SDK1: variants seen among roughly 807,000 people sequenced by gnomAD.
SDK1 encodes sidekick cell adhesion molecule 1.
SDK1 carries 157 observed loss-of-function variants against 245.5 expected under a neutral mutation model. The ratio of observed to expected loss-of-function variants is 0.64; its 90% CI spans 0.56 to 0.73. The LOEUF (loss-of-function observed/expected upper bound fraction) is 0.73, where lower values mean the gene tolerates loss of function less well. SDK1 is among the 30% of genes least tolerant of loss of function. The pLI, the probability that SDK1 is intolerant of heterozygous loss-of-function variation, is 0.00. For synonymous variants in SDK1, 1,647 were observed against 1,278.5 expected (o/e 1.29, Z -6.15); for missense variants, 3,583 against 3,002.3 (o/e 1.19, Z -4.52).
intron 4 of SDK1, among the ~76,000 whole-genome samples, chr7:3,744,801 G>C (rs1333418267): frequency 6.6e-6 from 1 of 151,312 alleles, no homozygotes; most frequent in Non-Finnish European, 1.5e-5. Flanking sequence ...GACAGAGTGA[G>C]ACTCCATCTC....
chr7:3,830,892 A>G (rs1268304739), intron 5 of SDK1, among the ~76,000 whole-genome samples: 4 of 152,204 alleles, frequency 2.6e-5, no homozygotes, highest in Non-Finnish European at 5.9e-5. Flanking sequence ...AGATAATTTC[A>G]TTGTGGAATC....
chr7:4,231,954 G>T (rs1194441775), intron 40 of SDK1, among the ~76,000 whole-genome samples: 2 of 150,758 alleles, frequency 1.3e-5, no homozygotes, highest in African/African-American at 4.9e-5. Flanking sequence ...TCCCTGCTTT[G>T]TAAAAGATCT....
chr7:3,982,846 A>C (rs1783520972), intron 13 of SDK1, among the ~76,000 whole-genome samples: 1 of 152,208 alleles, frequency 6.6e-6, no homozygotes, highest in Non-Finnish European at 1.5e-5. Flanking sequence ...TCTCAAAAAA[A>C]AAAAAAAGAA....
At chr7:4,202,124 C>A (rs2128226042) in intron 35 of SDK1, among the ~76,000 whole-genome samples, 1 of 152,286 alleles carries the variant, frequency 6.6e-6, no homozygotes. Context: ...GCTGGACATG[C>A]TCTCTGGGCC....
intron 4 of SDK1, among the ~76,000 whole-genome samples, chr7:3,791,092 T>G (rs1781067637): frequency 6.6e-6 from 1 of 152,014 alleles, no homozygotes; most frequent in African/African-American, 2.4e-5. Context: ...CAAAAATTAT[T>G]TAATACTCTT....
intron 4 of SDK1, among the ~76,000 whole-genome samples, chr7:3,651,717 A>T (rs189935843): frequency 6.6e-6 from 1 of 152,224 alleles, no homozygotes; most frequent in African/African-American, 2.4e-5. Flanking sequence ...CCAAATCTAT[A>T]CATATTATGG....
At chr7:3,896,838 T>C (rs944290013) in intron 5 of SDK1, among the ~76,000 whole-genome samples, 3 of 152,190 alleles carry the variant, frequency 2.0e-5, no homozygotes, top group Non-Finnish European at 2.9e-5. Flanking sequence ...AAAATATACA[T>C]GTATTAGTTT....
chr7:3,972,320 C>T (rs1648533153), intron 12 of SDK1, among the ~76,000 whole-genome samples: 1 of 152,092 alleles, frequency 6.6e-6, no homozygotes, highest in Non-Finnish European at 1.5e-5. Context: ...ACCTCGTGAT[C>T]CACCTGTCTC....
At chr7:3,943,934 A>G (rs567584200) in intron 5 of SDK1, among the ~76,000 whole-genome samples, 35 of 152,258 alleles carry the variant, frequency 2.3e-4, no homozygotes, top group Admixed American at 7.8e-4. Flanking sequence ...CTCTGAAGCT[A>G]CCTGGCGCCC....
rs188286352 is a variant in SDK1, at chr7:3,630,825, T to G, written c.459-8179T>G. 2.4e-3 allele frequency among the ~76,000 whole-genome samples: 372 copies of G among 152,288 alleles called. 3 individuals are homozygous for G. The highest frequency in any genetic ancestry group is 0.018 in the South Asian group (85 of 4,814). On this transcript the variant is annotated intron_variant, in intron 2 of 44. Transcript: ENST00000404826. ...GGCTTAGTATTATTAACAGATCCAT[T>G]TTTTCCAAACTTATCCCTTGGTGAT... is the stretch of plus-strand genomic sequence containing the variant.
At chr7:3,744,386 A>G (rs1403376992) in intron 4 of SDK1, among the ~76,000 whole-genome samples, 1 of 152,196 alleles carries the variant, frequency 6.6e-6, no homozygotes, top group Non-Finnish European at 1.5e-5. Flanking sequence ...TATAAGCATC[A>G]TTTTGGGCAC....
chr7:4,096,067 G>A (rs1006622677), intron 22 of SDK1, among the ~76,000 whole-genome samples: 1 of 152,218 alleles, frequency 6.6e-6, no homozygotes, highest in Non-Finnish European at 1.5e-5. Flanking sequence ...AAATGTAGCT[G>A]TAAAGCGTCC....
intron 22 of SDK1, among the ~76,000 whole-genome samples, chr7:4,097,528 T>C (rs1053808291): frequency 3.3e-5 from 5 of 152,178 alleles, no homozygotes; most frequent in Non-Finnish European, 5.9e-5. Context: ...CAGACAGATA[T>C]ATTGGGCCGC....
intron 17 of SDK1, among the ~76,000 whole-genome samples, chr7:4,025,091 T>TA (rs1230632373): frequency 6.6e-6 from 1 of 152,174 alleles, no homozygotes; most frequent in African/African-American, 2.4e-5. Flanking sequence ...TCCCAGTGTA[T>TA]GTGTACTTTG....
chr7:3,658,478 A>C (rs1010569022), intron 4 of SDK1, among the ~76,000 whole-genome samples: 1 of 151,706 alleles, frequency 6.6e-6, no homozygotes, highest in African/African-American at 2.4e-5. Flanking sequence ...CATCTCATGT[A>C]GTCTTTAAGG....
chr7:3,393,219 A>C (rs1218130631), intron 1 of SDK1, among the ~76,000 whole-genome samples: 1 of 151,832 alleles, frequency 6.6e-6, no homozygotes, highest in Non-Finnish European at 1.5e-5. Flanking sequence ...TGATCCACCT[A>C]CCTCAGCCTC....
chr7:3,945,160 A>C (rs1780523288), intron 5 of SDK1, among the ~76,000 whole-genome samples: 1 of 152,234 alleles, frequency 6.6e-6, no homozygotes, highest in Non-Finnish European at 1.5e-5. Context: ...TCAAACTGTA[A>C]GCAGAATACT....
intron 1 of SDK1, among the ~76,000 whole-genome samples, chr7:3,337,128 G>C (rs1780222135): frequency 6.6e-6 from 1 of 152,200 alleles, no homozygotes; most frequent in Non-Finnish European, 1.5e-5. Flanking sequence ...ACAAGGATTT[G>C]AAAGCTGCTA....
At chr7:3,873,173 C>G (rs570524385) in intron 5 of SDK1, among the ~76,000 whole-genome samples, 3 of 151,880 alleles carry the variant, frequency 2.0e-5, no homozygotes, top group African/African-American at 7.3e-5. Context: ...TCTGAAAAGT[C>G]TTTCTTTCTC....
Sources: gnomAD v4.1 joint callset for allele counts (sites outside exome capture counted in the v4.1 genomes callset) on GRCh38, gnomAD v4.1.1 for gene constraint, MANE v1.5 for transcripts, NCBI Gene and HGNC (gene_info 2026-07-23, HGNC 2026-07-21) for gene names.